Variants in SLC9A9 observed in about 807,000 individuals in gnomAD.
The protein encoded by SLC9A9 is solute carrier family 9 member A9.
SLC9A9 carries 62 observed loss-of-function variants against 77.8 expected under a neutral mutation model. That is an observed-to-expected ratio of 0.80 (90% confidence interval 0.65 to 0.98). The LOEUF (loss-of-function observed/expected upper bound fraction) is 0.98, where lower values mean the gene tolerates loss of function less well. Among genes scored for constraint, SLC9A9 ranks in the 50% least tolerant of loss-of-function variants. The pLI is 0.00. For synonymous variants in SLC9A9, 320 were observed against 283.5 expected (o/e 1.13, Z -1.29); for missense variants, 775 against 774.9 (o/e 1.00, Z 0.00).
intron 12 of SLC9A9, among the ~76,000 whole-genome samples, chr3:143,452,524 G>C (rs1473198561): frequency 2.0e-5 from 2 of 99,532 alleles, no homozygotes; most frequent in Non-Finnish European, 4.2e-5. Flanking sequence ...AAAAAAAAAA[G>C]ACCAAATGCA....
intron 12 of SLC9A9, among the ~76,000 whole-genome samples, chr3:143,421,527 G>A (rs2034295826): frequency 6.6e-6 from 1 of 152,088 alleles, no homozygotes; most frequent in South Asian, 2.1e-4. Flanking sequence ...AATGATGCTG[G>A]AATGACTGAC....
intron 12 of SLC9A9, among the ~76,000 whole-genome samples, chr3:143,390,208 C>G (rs760720529): frequency 1.3e-5 from 2 of 152,184 alleles, no homozygotes; most frequent in Non-Finnish European, 2.9e-5. Flanking sequence ...TCATGAAACT[C>G]TATTGGGCTG....
At chr3:143,435,155 C>A (rs1282736737) in intron 12 of SLC9A9, among the ~76,000 whole-genome samples, 1 of 151,826 alleles carries the variant, frequency 6.6e-6, no homozygotes, top group Non-Finnish European at 1.5e-5. Flanking sequence ...AAAATATTAT[C>A]TAATATTTTA....
intron 9 of SLC9A9, among the ~76,000 whole-genome samples, chr3:143,510,719 A>T (rs1457735041): frequency 6.6e-6 from 1 of 151,990 alleles, no homozygotes; most frequent in Non-Finnish European, 1.5e-5. Flanking sequence ...TTTATGTTCT[A>T]TGTTCAGTTT....
intron 8 of SLC9A9, among the ~76,000 whole-genome samples, chr3:143,569,623 C>A (rs1437596696): frequency 2.0e-5 from 3 of 151,878 alleles, no homozygotes; most frequent in African/African-American, 7.3e-5. Flanking sequence ...AGTTTGTGGA[C>A]ATATCATTCA....
chr3:143,757,550 T>C lies in SLC9A9; in HGVS notation c.533+37451A>G, dbSNP rs565647159. Among the ~76,000 whole-genome samples the C allele has an allele frequency of 2.2e-4, 34 of 152,226 alleles. No homozygotes were observed. The South Asian group carries it at 6.8e-3, about 31-fold the overall frequency. On this transcript the variant is annotated intron_variant, in intron 4 of 15. Coordinates refer to ENST00000316549, the MANE Select transcript of SLC9A9 (RefSeq NM_173653.4). ...CAAATTTTTTTACTGGGCAGGACTT[T>C]CCTGCTCATTGCAAGTCAATGGATG...
chr3:143,561,307 A>C (rs2037080615), intron 8 of SLC9A9, among the ~76,000 whole-genome samples: 1 of 152,220 alleles, frequency 6.6e-6, no homozygotes, highest in African/African-American at 2.4e-5. Flanking sequence ...TAAAAACCAA[A>C]TAATTATTTA....
At chr3:143,760,282 G>T (rs947122021) in intron 4 of SLC9A9, among the ~76,000 whole-genome samples, 1 of 152,144 alleles carries the variant, frequency 6.6e-6, no homozygotes, top group African/African-American at 2.4e-5. Flanking sequence ...TTGAAAACTG[G>T]CACAAGACAG....
intron 12 of SLC9A9, among the ~76,000 whole-genome samples, chr3:143,397,970 A>T (rs546678665): frequency 6.6e-6 from 1 of 152,332 alleles, no homozygotes; most frequent in Non-Finnish European, 1.5e-5. Flanking sequence ...CAAAGCAAAT[A>T]TTTTTGTGGA....
chr3:143,795,439 T>C (rs1051061469), intron 3 of SLC9A9, among the ~76,000 whole-genome samples: 2 of 151,920 alleles, frequency 1.3e-5, no homozygotes, highest in African/African-American at 4.8e-5. Flanking sequence ...TGAAGTTTTG[T>C]TGTAAATGCA....
intron 14 of SLC9A9, among the ~76,000 whole-genome samples, chr3:143,291,368 G>A (rs567279820): frequency 2.6e-5 from 4 of 152,214 alleles, no homozygotes; most frequent in South Asian, 2.1e-4. Context: ...AAACCTTTCC[G>A]GCCTCAAAGG....
intron 14 of SLC9A9, among the ~76,000 whole-genome samples, chr3:143,269,885 G>A (rs1350078686): frequency 1.3e-5 from 2 of 152,192 alleles, no homozygotes; most frequent in African/African-American, 4.8e-5. Context: ...AGGCACTCAG[G>A]GCATGAGATG....
intron 14 of SLC9A9, among the ~76,000 whole-genome samples, chr3:143,314,749 G>GC (rs1454784813): frequency 6.6e-6 from 1 of 152,160 alleles, no homozygotes; most frequent in African/African-American, 2.4e-5. Context: ...ATTTTAACTG[G>GC]CCCCAGGCAA....
intron 6 of SLC9A9, among the ~76,000 whole-genome samples, chr3:143,591,670 G>A (rs1402982035): frequency 1.4e-5 from 2 of 145,846 alleles, no homozygotes; most frequent in Non-Finnish European, 2.9e-5. Context: ...CACAGAGTCA[G>A]AGGCTAGATA....
intron 12 of SLC9A9, among the ~76,000 whole-genome samples, chr3:143,433,108 G>A (rs1319439511): frequency 6.6e-6 from 1 of 152,130 alleles, no homozygotes; most frequent in African/African-American, 2.4e-5. Flanking sequence ...TATCTTTTTG[G>A]CCAACCCTTT....
At chr3:143,645,708 A>C (rs1004530402) in intron 6 of SLC9A9, among the ~76,000 whole-genome samples, 1 of 152,226 alleles carries the variant, frequency 6.6e-6, no homozygotes, top group African/African-American at 2.4e-5. Flanking sequence ...AAATGACATT[A>C]TCTAGCAAGA....
At chr3:143,709,754 C>G (rs569880603) in intron 4 of SLC9A9, among the ~76,000 whole-genome samples, 7 of 152,258 alleles carry the variant, frequency 4.6e-5, no homozygotes. Context: ...GTTGTTACCT[C>G]CTGACTCCAA....
chr3:143,293,740 A>G (rs1024226573), intron 14 of SLC9A9, among the ~76,000 whole-genome samples: 2 of 152,184 alleles, frequency 1.3e-5, no homozygotes, highest in South Asian at 2.1e-4. Context: ...CGTGACACTC[A>G]AGCATTGGGT....
intron 11 of SLC9A9, among the ~76,000 whole-genome samples, chr3:143,488,987 C>T (rs1242757776): frequency 6.6e-6 from 1 of 151,822 alleles, no homozygotes; most frequent in South Asian, 2.1e-4. Context: ...TGTAGAATTT[C>T]CTAAAGATTT....
Sources: gnomAD v4.1 joint callset for allele counts (sites outside exome capture counted in the v4.1 genomes callset) on GRCh38, gnomAD v4.1.1 for gene constraint, MANE v1.5 for transcripts, NCBI Gene and HGNC (gene_info 2026-07-23, HGNC 2026-07-21) for gene names.